ZFHX3: variants seen among roughly 807,000 people sequenced by gnomAD.
ZFHX3 encodes the protein zinc finger homeobox 3.
Under a neutral mutation model 279.1 loss-of-function variants are expected in ZFHX3, and 42 were observed. That is an observed-to-expected ratio of 0.15 (90% confidence interval 0.12 to 0.19). The LOEUF (loss-of-function observed/expected upper bound fraction) is 0.19, where lower values mean the gene tolerates loss of function less well. Among genes scored for constraint, ZFHX3 ranks in the 10% least tolerant of loss-of-function variants. The pLI is 1.00. For synonymous variants in ZFHX3, 2,293 were observed against 1,957.8 expected, an observed-to-expected ratio of 1.17 and a Z score of -4.52; for missense variants, 4,981 against 4,754.0, an observed-to-expected ratio of 1.05 and a Z score of -1.40.
At chr16:73,369,769 G>A (rs1461054285) in intron 3 of ZFHX3, among the ~76,000 whole-genome samples, 1 of 152,162 alleles carries the variant, frequency 6.6e-6, no homozygotes, top group African/African-American at 2.4e-5. Context: ...GATTCTGATT[G>A]TGCTAACAAG....
rs545204661 is a variant in ZFHX3 at position 73,316,922 on chromosome 16, G to C, written c.-1194+1318C>G. Among the ~76,000 whole-genome samples, 12 of 152,204 alleles carry C rather than the reference G, an allele frequency of 7.9e-5. No individual in the cohort carries two copies. The South Asian group carries it at 2.5e-3, about 32-fold the overall frequency. On this transcript the variant is annotated intron_variant, in intron 4 of 17. Coordinates refer to the ZFHX3 transcript ENST00000641206. Reference sequence around the variant, plus strand: ...TTGCCAGTGTTTCCTGGCTGATTTTGGTATCATGCTGTTGGCCCTTTTGTG... The same window carrying C: ...TTGCCAGTGTTTCCTGGCTGATTTTCGTATCATGCTGTTGGCCCTTTTGTG...
chr16:73,629,215 T>C (rs1219373167), intron 2 of ZFHX3, among the ~76,000 whole-genome samples: 1 of 152,160 alleles, frequency 6.6e-6, no homozygotes, highest in Non-Finnish European at 1.5e-5. Flanking sequence ...GTGTAATCCA[T>C]CTCCTGCTGC....
At chr16:73,783,120 G>A (rs1170905389) in intron 1 of ZFHX3, among the ~76,000 whole-genome samples, 5 of 152,166 alleles carry the variant, frequency 3.3e-5, no homozygotes, top group African/African-American at 1.2e-4. Flanking sequence ...TTCTCCAGCT[G>A]CCCGGAGAGT....
intron 2 of ZFHX3, among the ~76,000 whole-genome samples, chr16:73,670,739 C>T (rs2052896529): frequency 6.6e-6 from 1 of 152,182 alleles, no homozygotes; most frequent in African/African-American, 2.4e-5. Flanking sequence ...TATACTGTGA[C>T]ATTTGCAAAT....
In ZFHX3 at chr16:72,950,465, T is replaced by A. The variant is rs376038293; in HGVS notation, c.3216+4A>T. 2.5e-6 allele frequency: 4 copies of A among 1,612,438 alleles called. No homozygotes were observed. In the African/African-American group the frequency reaches 5.3e-5, roughly 22 times the overall value. ...CGCCTGAGCCATAAGGAGCTGGGCC[T>A]TACCTTGTACAACTTCAGGCTGGCC... On this transcript the variant is annotated splice_donor_region_variant and intron_variant, in intron 3 of 9. Coordinates refer to ENST00000268489, the MANE Select transcript of ZFHX3 (RefSeq NM_006885.4).
chr16:73,457,816 C>T (rs1449726609), intron 2 of ZFHX3, among the ~76,000 whole-genome samples: 1 of 152,194 alleles, frequency 6.6e-6, no homozygotes, highest in Non-Finnish European at 1.5e-5. Context: ...AGAGTCATAC[C>T]TACTTCATGG....
upstream of ZFHX3, among the ~76,000 whole-genome samples, chr16:73,063,435 A>G (rs1366358398): frequency 6.6e-6 from 1 of 152,166 alleles, no homozygotes; most frequent in African/African-American, 2.4e-5. Flanking sequence ...CAAATCGGAC[A>G]GTTCCCTTTT....
intron 5 of ZFHX3, among the ~76,000 whole-genome samples, chr16:73,251,899 G>GAA (rs2013511722): frequency 9.0e-5 from 6 of 66,468 alleles, no homozygotes; most frequent in African/African-American, 4.3e-4. Flanking sequence ...CACACACCAT[G>GAA]CACACACACA....
intron 3 of ZFHX3, among the ~76,000 whole-genome samples, chr16:73,445,447 T>A (rs1358295891): frequency 6.6e-6 from 1 of 151,984 alleles, no homozygotes; most frequent in Non-Finnish European, 1.5e-5. Flanking sequence ...TTAAAGGGAT[T>A]TTATAACCAT....
chr16:73,063,156 G>C (rs1183969), upstream of ZFHX3, among the ~76,000 whole-genome samples: 2 of 152,202 alleles, frequency 1.3e-5, no homozygotes, highest in African/African-American at 4.8e-5. Context: ...CGGGGTCAGA[G>C]GCGCCGCCAC....
intron 1 of ZFHX3, among the ~76,000 whole-genome samples, chr16:73,867,988 G>A (rs752201040): frequency 1.3e-5 from 2 of 152,182 alleles, no homozygotes; most frequent in African/African-American, 4.8e-5. Flanking sequence ...CTAGCGCTGG[G>A]TGCCAGGCTT....
intron 4 of ZFHX3, among the ~76,000 whole-genome samples, chr16:72,856,039 C>A (rs1460162741): frequency 1.3e-5 from 2 of 152,148 alleles, no homozygotes; most frequent in East Asian, 3.9e-4. Flanking sequence ...ATTAGAAAAC[C>A]AAGGTTTTAA....
intron 1 of ZFHX3, among the ~76,000 whole-genome samples, chr16:73,765,502 G>T (rs1393485677): frequency 6.6e-6 from 1 of 152,166 alleles, no homozygotes; most frequent in Non-Finnish European, 1.5e-5. Context: ...GCTAGTTAAG[G>T]CTGTGGATCA....
chr16:73,594,859 C>A (rs569023297), intron 2 of ZFHX3, among the ~76,000 whole-genome samples: 42 of 152,168 alleles, frequency 2.8e-4, no homozygotes, highest in African/African-American at 9.6e-4. Flanking sequence ...TTTTTCTTAT[C>A]GCCTTTTGTT....
chr16:72,864,611 A>C (rs888401149), intron 4 of ZFHX3, among the ~76,000 whole-genome samples: 5 of 152,206 alleles, frequency 3.3e-5, no homozygotes, highest in African/African-American at 1.2e-4. Flanking sequence ...TGAATGAAGC[A>C]CCAAATACCA....
At chr16:73,203,101 C>T (rs1217933518) in intron 5 of ZFHX3, among the ~76,000 whole-genome samples, 1 of 152,126 alleles carries the variant, frequency 6.6e-6, no homozygotes, top group Non-Finnish European at 1.5e-5. Flanking sequence ...CACACAGCCT[C>T]TTGGTGCCTA....
chr16:73,024,365 T>C (rs895497574), intron 1 of ZFHX3, among the ~76,000 whole-genome samples: 5 of 152,162 alleles, frequency 3.3e-5, no homozygotes, highest in African/African-American at 9.6e-5. Flanking sequence ...CCAAGCCTCA[T>C]CATGCCCCGC....
chr16:73,726,867 A>G (rs1480499503), intron 1 of ZFHX3, among the ~76,000 whole-genome samples: 1 of 152,198 alleles, frequency 6.6e-6, no homozygotes, highest in Non-Finnish European at 1.5e-5. Flanking sequence ...ACACATATGC[A>G]AACTATATCT....
chr16:73,661,387 G>C (rs2052782812), intron 2 of ZFHX3, among the ~76,000 whole-genome samples: 1 of 152,210 alleles, frequency 6.6e-6, no homozygotes, highest in African/African-American at 2.4e-5. Context: ...GAGTTCAACA[G>C]TTGGATACAT....
Sources: allele counts gnomAD v4.1 joint callset (sites outside exome capture counted in the v4.1 genomes callset), GRCh38; gene constraint gnomAD v4.1.1; transcripts MANE v1.5; gene names NCBI Gene and HGNC (gene_info 2026-07-23, HGNC 2026-07-21).